The following R3HDM1 variants were observed in gnomAD, a reference collection of about 807,000 sequenced individuals.
R3HDM1 encodes R3H domain-containing protein 1.
Under a neutral mutation model 141.1 loss-of-function variants are expected in R3HDM1, and 46 were observed. The ratio of observed to expected loss-of-function variants is 0.33; its 90% CI spans 0.26 to 0.42. The LOEUF (loss-of-function observed/expected upper bound fraction) is 0.42, where lower values mean the gene tolerates loss of function less well. Among genes scored for constraint, R3HDM1 ranks in the 10% least tolerant of loss-of-function variants. The pLI is 1.00. For missense variants in R3HDM1, 1,184 were observed against 1,368.3 expected (o/e 0.87, Z 2.12); for synonymous variants, 435 against 472.9 (o/e 0.92, Z 1.04).
intron 15 of R3HDM1, among the ~76,000 whole-genome samples, chr2:135,644,638 A>G (rs1319502815): frequency 6.6e-6 from 1 of 152,236 alleles, no homozygotes; most frequent in Non-Finnish European, 1.5e-5. Flanking sequence ...AATGTGGCCT[A>G]AAAATTAGAT....
intron 1 of R3HDM1, among the ~76,000 whole-genome samples, chr2:135,568,290 C>T (rs1050972315): frequency 1.8e-4 from 27 of 151,428 alleles, no homozygotes; most frequent in Admixed American, 1.7e-3. Context: ...TTAAGTGATC[C>T]GCCCACCTTG....
intron 1 of R3HDM1, among the ~76,000 whole-genome samples, chr2:135,577,968 A>C (rs942747285): frequency 2.0e-5 from 3 of 152,218 alleles, no homozygotes. Context: ...GTAAAAATAC[A>C]CACTAGCATA....
At chr2:135,628,524 T>C (rs1016431311) in intron 7 of R3HDM1, among the ~76,000 whole-genome samples, 2 of 152,216 alleles carry the variant, frequency 1.3e-5, no homozygotes, top group Admixed American at 6.5e-5. Flanking sequence ...TGAAGAACAA[T>C]TGAAATATTC....
intron 1 of R3HDM1, among the ~76,000 whole-genome samples, chr2:135,579,434 C>T (rs573389375): frequency 6.6e-6 from 1 of 152,144 alleles, no homozygotes; most frequent in Non-Finnish European, 1.5e-5. Context: ...GAAATAAAAA[C>T]CATCATTAGG....
intron 9 of R3HDM1, among the ~76,000 whole-genome samples, chr2:135,632,505 T>C (rs1285099804): frequency 1.3e-5 from 2 of 152,194 alleles, no homozygotes; most frequent in Non-Finnish European, 2.9e-5. Flanking sequence ...AGTGCTGTCT[T>C]CTTCCTGGGC....
chr2:135,661,191 T>C, intron 18 of R3HDM1, 79 bp from the exon 19 acceptor site: 1 of 1,534,132 alleles, frequency 6.5e-7, no homozygotes, highest in East Asian at 2.3e-5. Flanking sequence ...TATTACTCAT[T>C]AAACTCTGAT....
At chr2:135,676,408 A>G (rs1289003707) in intron 20 of R3HDM1, among the ~76,000 whole-genome samples, 3 of 152,250 alleles carry the variant, frequency 2.0e-5, no homozygotes, top group African/African-American at 4.8e-5. Flanking sequence ...TCAATATAAT[A>G]TGACACATTT....
At chr2:135,575,904 T>C (rs748127343) in intron 1 of R3HDM1, among the ~76,000 whole-genome samples, 3 of 152,292 alleles carry the variant, frequency 2.0e-5, no homozygotes, top group South Asian at 4.1e-4. Flanking sequence ...CTAAGTCTTA[T>C]GGGAAAACAA....
At chr2:135,654,553 A>T (rs1006224430) in intron 18 of R3HDM1, among the ~76,000 whole-genome samples, 1 of 151,916 alleles carries the variant, frequency 6.6e-6, no homozygotes, top group Admixed American at 6.6e-5. Context: ...TGTTCAAGCA[A>T]TTCTCCTGCC....
chr2:135,626,579 A>G (rs1017440901), intron 7 of R3HDM1, among the ~76,000 whole-genome samples: 2 of 152,178 alleles, frequency 1.3e-5, no homozygotes. Flanking sequence ...GCAAGGAACA[A>G]AGATTATAAA....
intron 21 of R3HDM1, among the ~76,000 whole-genome samples, chr2:135,707,233 C>T (rs553795606): frequency 6.6e-6 from 1 of 152,302 alleles, no homozygotes; most frequent in East Asian, 1.9e-4. Context: ...GGAGGAGAAA[C>T]TTGTGAAATT....
chr2:135,697,345 A>C (rs1443350421), intron 21 of R3HDM1, among the ~76,000 whole-genome samples: 1 of 152,206 alleles, frequency 6.6e-6, no homozygotes, highest in African/African-American at 2.4e-5. Flanking sequence ...TTTAACTCCT[A>C]AGTGACCATG....
chr2:135,532,191 G>T (rs1490706221), intron 1 of R3HDM1, among the ~76,000 whole-genome samples: 1 of 152,310 alleles, frequency 6.6e-6, no homozygotes, highest in South Asian at 2.1e-4. Context: ...TCGACCGGTT[G>T]GTAAAATGTA....
chr2:135,563,403 C>G (rs1327619329), intron 1 of R3HDM1, among the ~76,000 whole-genome samples: 1 of 152,174 alleles, frequency 6.6e-6, no homozygotes, highest in African/African-American at 2.4e-5. Flanking sequence ...GCCACGACTC[C>G]TAGGTCCAGA....
Position 135,533,777 on chromosome 2 carries a change from G to A in R3HDM1, c.-250+2144G>A, listed in dbSNP as rs546085315. Among the ~76,000 whole-genome samples, 44 of 152,276 alleles carry A rather than the reference G, an allele frequency of 2.9e-4. 1 individual carries two copies. Among genetic ancestry groups the A allele is most frequent in the African/African-American group, 1.1e-3 (44 of 41,554 alleles). ...ACCTGTAATCTCAGCTACTCGGGAG[G>A]CTGAGACAGGAGAATCGCTTGAACC... On this transcript the variant is annotated intron_variant, in intron 1 of 26. Transcript: ENST00000683871.
At chr2:135,698,723 G>A (rs1283579729) in intron 21 of R3HDM1, among the ~76,000 whole-genome samples, 1 of 152,116 alleles carries the variant, frequency 6.6e-6, no homozygotes. Flanking sequence ...TTCAATTATG[G>A]CAGAAGGCAA....
intron 1 of R3HDM1, among the ~76,000 whole-genome samples, chr2:135,599,460 G>A (rs560382630): frequency 6.6e-6 from 1 of 152,140 alleles, no homozygotes; most frequent in Non-Finnish European, 1.5e-5. Flanking sequence ...AATTTTGTAA[G>A]TTCCTAAGTA....
rs1193815290 is a variant in R3HDM1, at chr2:135,602,551, G to A, written c.-198G>A. The A allele has an allele frequency of 2.7e-6, 4 of 1,476,884 alleles. No homozygotes were observed. Among genetic ancestry groups the A allele is most frequent in the Non-Finnish European group, 3.6e-6 (4 of 1,115,386 alleles). The allele number at this position is 1,476,884 out of a possible 1,614,324, so 91.5% of individuals were successfully genotyped here. A position where few individuals can be genotyped will look rare whatever the true frequency, so the allele number is the denominator to read the frequency against. On this transcript the variant is annotated 5_prime_UTR_variant, in exon 2 of 27. Transcript: ENST00000683871. The stretch of plus-strand genomic sequence containing the variant: ...TCCAAGACAGTCCATTCCAGTCCGG[G>A]AATCTACAGTGGTGACAAGGACATG...
intron 21 of R3HDM1, among the ~76,000 whole-genome samples, chr2:135,692,650 G>A (rs994334838): frequency 5.9e-5 from 9 of 152,008 alleles, no homozygotes; most frequent in African/African-American, 2.2e-4. Context: ...TGAATTTTAG[G>A]TTAGGATAGA....
Sources: gnomAD v4.1 joint callset for allele counts (sites outside exome capture counted in the v4.1 genomes callset) on GRCh38, gnomAD v4.1.1 for gene constraint, MANE v1.5 for transcripts, NCBI Gene and HGNC (gene_info 2026-07-23, HGNC 2026-07-21) for gene names.